The following CLUL1 variants were observed in gnomAD, a reference collection of about 807,000 sequenced individuals.
The protein encoded by CLUL1 is clusterin-like protein 1.
A neutral mutation model predicts 49.4 loss-of-function variants in CLUL1; 43 were observed. That is an observed-to-expected ratio of 0.87 (90% CI 0.68 to 1.12). CLUL1 has a LOEUF of 1.12. CLUL1 is among the 50% of genes most tolerant of loss of function. The pLI is 0.00. For synonymous variants in CLUL1, 192 were observed against 184.9 expected (o/e 1.04, Z -0.31); for missense variants, 486 against 544.4 (o/e 0.89, Z 1.07).
chr18:623,644 C>A (rs1233844502), intron 4 of CLUL1, among the ~76,000 whole-genome samples: 2 of 71,086 alleles, frequency 2.8e-5, no homozygotes, highest in African/African-American at 1.1e-4. Flanking sequence ...GACTCTGTCT[C>A]AAAAAAAAAA....
chr18:645,656 T>C (rs1030774837), intron 9 of CLUL1, among the ~76,000 whole-genome samples: 19 of 149,180 alleles, frequency 1.3e-4, no homozygotes, highest in Admixed American at 2.0e-4. Context: ...TAGCCGGGCG[T>C]GGTGGCGGGC....
Position 627,467 on chromosome 18 carries a change from G to C in CLUL1, c.794G>C (p.Ser265Thr), listed in dbSNP as rs774616130. Residue 265 changes from serine (S) to threonine (T), a missense_variant, in exon 6 of 10, where the codon AGT becomes ACT. Transcript: ENST00000692774. Reference protein sequence around the residue: ...FCNFSVSIYESVSETITKMLK... With the variant: ...FCNFSVSIYETVSETITKMLK... The stretch of plus-strand genomic sequence containing the variant: ...AATTTCAGTGTCTCTATTTATGAAA[G>C]TGTCAGTGAAACAATTACTAAGATG... 1.2e-6 allele frequency: 2 copies of C among 1,613,510 alleles called. No individual in the cohort carries two copies. Among genetic ancestry groups the C allele is most frequent in the Non-Finnish European group, 1.7e-6 (2 of 1,179,632 alleles).
intron 2 of CLUL1, among the ~76,000 whole-genome samples, chr18:612,117 A>G (rs1349955374): frequency 6.6e-6 from 1 of 152,148 alleles, no homozygotes; most frequent in Non-Finnish European, 1.5e-5. Flanking sequence ...CAGCTTCCTA[A>G]CTGGCTTCCC....
At chr18:642,597 G>A (rs1246551341) in intron 8 of CLUL1, among the ~76,000 whole-genome samples, 2 of 152,204 alleles carry the variant, frequency 1.3e-5, no homozygotes, top group African/African-American at 4.8e-5. Flanking sequence ...CGCCAGGCTA[G>A]TGATTCCTGA....
chr18:627,551 T>G, intron 6 of CLUL1, 22 bp downstream of exon 6: 1 of 1,549,132 alleles, frequency 6.5e-7, no homozygotes, highest in Non-Finnish European at 8.8e-7. Flanking sequence ...AAGATTACTT[T>G]TACTTAGAGG....
intron 4 of CLUL1, among the ~76,000 whole-genome samples, chr18:620,957 A>G (rs1027802077): frequency 6.6e-6 from 1 of 152,230 alleles, no homozygotes; most frequent in Admixed American, 6.5e-5. Flanking sequence ...TTTCAATTTT[A>G]ATGTTGAGAG....
Position 641,505 on chromosome 18 carries a change from GGCCCCAGAAACAGAGA to G in CLUL1, c.1174_1189del (p.Ala392SerfsTer8), listed in dbSNP as rs746096047. On this transcript the variant is annotated frameshift_variant, in exon 8 of 10. Transcript: ENST00000692774. LOFTEE classifies it high-confidence loss of function. ...GCTGGGTGTCTGAACTGGCAAACCA[GGCCCCAGAAACAGAGA>G]TCATCTTTAATTCAATACAGGTAAA... 6.2e-7 allele frequency: 1 copy of G among 1,614,184 alleles called. No homozygotes were observed. The highest frequency in any genetic ancestry group is 8.5e-7 in the Non-Finnish European group (1 of 1,180,038).
chr18:644,893 T>A lies in CLUL1; in HGVS notation c.1210-17T>A. 4 of 1,585,300 alleles carry A rather than the reference T, an allele frequency of 2.5e-6. No individual in the cohort carries two copies. Among genetic ancestry groups the A allele is most frequent in the Non-Finnish European group, 3.5e-6 (4 of 1,158,324 alleles). On this transcript the variant is annotated splice_polypyrimidine_tract_variant and intron_variant, in intron 8 of 9. Coordinates refer to ENST00000692774, the MANE Select transcript of CLUL1 (RefSeq NM_001393344.1). ...TGGGATTTAGTAAACTTCTACTGTA[T>A]AATCCTTCTTCTGTAGGTAGTTCCA...
intron 6 of CLUL1, among the ~76,000 whole-genome samples, chr18:629,401 A>G (rs1489435466): frequency 1.3e-5 from 2 of 152,206 alleles, no homozygotes; most frequent in Non-Finnish European, 2.9e-5. Context: ...CCTCCCCTCC[A>G]TGTTGTGTAG....
intron 5 of CLUL1, among the ~76,000 whole-genome samples, chr18:625,518 AACACAC>A (rs3221054): frequency 0.63 from 91,335 of 144,578 alleles, 30,491 homozygotes; most frequent in East Asian, 0.75. Context: ...CCTTATGCAT[AACACAC>A]ACACACACAC....
At position 639,472 on chromosome 18, in the gene CLUL1, G is replaced by A. The variant is rs568872664; in HGVS notation, c.995-1855G>A. Among the ~76,000 whole-genome samples, 4 of 140,010 alleles carry A rather than the reference G, an allele frequency of 2.9e-5. No individual in the cohort carries two copies. In the East Asian group the frequency reaches 6.6e-4, roughly 23 times the overall value. The allele number at this position is 140,010 out of a possible 152,430, so 91.9% of individuals were successfully genotyped here. ...AAAAAGCTTCATACAAACATGAAACGGGCACATGTCTGGCTGGGTGCGGTG... is the reference window on the plus strand; with the variant it reads ...AAAAAGCTTCATACAAACATGAAACAGGCACATGTCTGGCTGGGTGCGGTG... On this transcript the variant is annotated intron_variant, in intron 7 of 9. Coordinates refer to ENST00000692774, the MANE Select transcript of CLUL1 (RefSeq NM_001393344.1).
Position 612,783 on chromosome 18 carries a change from C to T in CLUL1, c.-13-5205C>T, listed in dbSNP as rs146927978. On this transcript the variant is annotated intron_variant, in intron 2 of 9. Coordinates refer to ENST00000692774, the MANE Select transcript of CLUL1 (RefSeq NM_001393344.1). Reference sequence around the variant, plus strand: ...TGTCCAGTTCCCTCCCTTTGGAACGCAGCGTGGGCACCTGCAACGCAGAGA... The same window carrying T: ...TGTCCAGTTCCCTCCCTTTGGAACGTAGCGTGGGCACCTGCAACGCAGAGA... The T allele has an allele frequency of 2.5e-3, 376 of 152,562 alleles. 1 individual carries two copies. Among genetic ancestry groups the T allele is most frequent in the African/African-American group, 8.5e-3 (354 of 41,594 alleles). 9.5% of individuals were successfully genotyped at this position (152,562 alleles called of 1,614,324 possible). A position where few individuals can be genotyped will look rare whatever the true frequency, so the allele number is the denominator to read the frequency against.
chr18:607,331 G>T (rs755888228), intron 2 of CLUL1, among the ~76,000 whole-genome samples: 1 of 152,174 alleles, frequency 6.6e-6, no homozygotes, highest in Non-Finnish European at 1.5e-5. Context: ...GTTTCACCAT[G>T]TTGGCCAGGC....
At chr18:611,274 T>C (rs1320434852) in intron 2 of CLUL1, among the ~76,000 whole-genome samples, 2 of 146,654 alleles carry the variant, frequency 1.4e-5, no homozygotes, top group South Asian at 4.4e-4. Context: ...TTGCCTCTCA[T>C]AGCATAATTG....
chr18:639,133 C>T (rs114702842), intron 7 of CLUL1, among the ~76,000 whole-genome samples: 21,107 of 152,060 alleles, frequency 0.14, 2,182 homozygotes, highest in African/African-American at 0.29. Context: ...AACTTAAAAA[C>T]ATGCTTCATA....
Position 607,038 on chromosome 18 carries a change from C to T in CLUL1, c.-75C>T, listed in dbSNP as rs1235782877. ...GTGGCATGTTCATAGCTCACTGAAG[C>T]CTCAAATTCCTGGGTTCAAGTGACC... is the stretch of plus-strand genomic sequence containing the variant. On this transcript the variant is annotated 5_prime_UTR_variant, in exon 2 of 10. Transcript: ENST00000692774. 5.7e-6 allele frequency: 4 copies of T among 701,336 alleles called. No homozygotes were observed. The highest frequency in any genetic ancestry group is 1.0e-5 in the Non-Finnish European group (4 of 384,480). The allele number at this position is 701,336 out of a possible 1,614,324, so 43.4% of individuals were successfully genotyped here.
At chr18:639,749 A>G (rs1227864563) in intron 7 of CLUL1, among the ~76,000 whole-genome samples, 1 of 152,126 alleles carries the variant, frequency 6.6e-6, no homozygotes, top group Non-Finnish European at 1.5e-5. Context: ...TGGGTAACAG[A>G]GTGATACTCT....
intron 9 of CLUL1, among the ~76,000 whole-genome samples, chr18:649,462 CTGTAACACAATATCT>C (rs2074613885): frequency 1.3e-5 from 2 of 152,124 alleles, no homozygotes; most frequent in Admixed American, 1.3e-4. Context: ...CAGTCACAGG[CTGTAACACAATATCT>C]TGCACATCCT....
At chr18:641,227 G>C (rs1453900582) in intron 7 of CLUL1, 100 bp from the exon 8 acceptor site, 2 of 914,400 alleles carry the variant, frequency 2.2e-6, no homozygotes, top group East Asian at 2.5e-5. Flanking sequence ...CAGGCAAAAG[G>C]GGAAAATAGA....
Sources: allele counts gnomAD v4.1 joint callset (sites outside exome capture counted in the v4.1 genomes callset), GRCh38; gene constraint gnomAD v4.1.1; transcripts MANE v1.5; gene names NCBI Gene and HGNC (gene_info 2026-07-23, HGNC 2026-07-21).